The following SORBS3 variants were observed in gnomAD, a reference collection of about 807,000 sequenced individuals.
SORBS3 encodes sorbin and SH3 domain containing 3, also known as vinexin.
Under a neutral mutation model 98.0 loss-of-function variants are expected in SORBS3, and 69 were observed. That is an observed-to-expected ratio of 0.70 (90% CI 0.58 to 0.86). The LOEUF is 0.86. SORBS3 is among the 40% of genes least tolerant of loss of function. The pLI, the probability that SORBS3 is intolerant of heterozygous loss-of-function variation, is 0.00. For synonymous variants in SORBS3, 394 were observed against 355.4 expected (o/e 1.11, Z -1.22); for missense variants, 954 against 908.5 (o/e 1.05, Z -0.64).
intron 20 of SORBS3, among the ~76,000 whole-genome samples, chr8:22,574,236 A>C (rs932205364): frequency 1.3e-5 from 2 of 152,202 alleles, no homozygotes; most frequent in Non-Finnish European, 2.9e-5. Flanking sequence ...TCGGAGTCCC[A>C]AGCTTACTCC....
At chr8:22,567,937 T>C (rs918908803) in intron 16 of SORBS3, among the ~76,000 whole-genome samples, 2 of 150,774 alleles carry the variant, frequency 1.3e-5, no homozygotes, top group African/African-American at 4.9e-5. Context: ...AACCTCCACC[T>C]CCCTGGTTCA....
chr8:22,573,772 G>A (rs1370807042), intron 20 of SORBS3, among the ~76,000 whole-genome samples: 2 of 152,226 alleles, frequency 1.3e-5, no homozygotes, highest in African/African-American at 2.4e-5. Flanking sequence ...CAGGAGTGAC[G>A]TTCATTTCAG....
chr8:22,567,193 G>C lies in SORBS3; in HGVS notation c.1305+18G>C. ...ATGTGGAGGTGAGCAGGAGAGACAAGAGCAAGTGGGGCTGGGCTGGGAGGG... is the reference window on the plus strand; with the variant it reads ...ATGTGGAGGTGAGCAGGAGAGACAACAGCAAGTGGGGCTGGGCTGGGAGGG... On this transcript the variant is annotated intron_variant, in intron 16 of 20. Coordinates refer to ENST00000240123, the MANE Select transcript of SORBS3 (RefSeq NM_005775.5). 2 of 1,516,740 alleles carry C rather than the reference G, an allele frequency of 1.3e-6. No individual in the cohort carries two copies. The highest frequency in any genetic ancestry group is 1.8e-6 in the Non-Finnish European group (2 of 1,093,650). 94.0% of individuals were successfully genotyped at this position (1,516,740 alleles called of 1,614,324 possible). A position where few individuals can be genotyped will look rare whatever the true frequency, so the allele number is the denominator to read the frequency against.
At chr8:22,570,879 G>A (rs778322305) in intron 17 of SORBS3, 31 bp from the exon 18 acceptor site, 1 of 1,561,572 alleles carries the variant, frequency 6.4e-7, no homozygotes, top group East Asian at 2.3e-5. Context: ...CACCAGGAAG[G>A]CCCCACAGAC....
At chr8:22,558,001 T>C in intron 4 of SORBS3, 128 bp from the exon 5 acceptor site, 1 of 829,474 alleles carries the variant, frequency 1.2e-6, no homozygotes, top group African/African-American at 1.7e-5. Context: ...AAGAGAAGCA[T>C]TTCCCAGCCC....
chr8:22,552,222 A>G (rs1840095880), intron 1 of SORBS3, among the ~76,000 whole-genome samples, 200 bp downstream of exon 1: 1 of 152,174 alleles, frequency 6.6e-6, no homozygotes, highest in East Asian at 1.9e-4. Context: ...GCTGAGAAAT[A>G]CCTGGGAAAG....
At chr8:22,553,920 G>A (rs899131037) in intron 1 of SORBS3, among the ~76,000 whole-genome samples, 1 of 152,216 alleles carries the variant, frequency 6.6e-6, no homozygotes, top group African/African-American at 2.4e-5. Context: ...CGCTCCCCTT[G>A]GCCCTATTGG....
In SORBS3 at chr8:22,567,052, C is replaced by T. The variant is rs1282470607; in HGVS notation, c.1191-9C>T. ...CAGCTTACCCTGCGGTCCTCGTCCC[C>T]ACCTGCAGGGAGCTGACTCTGCAGA... On this transcript the variant is annotated splice_polypyrimidine_tract_variant and intron_variant, in intron 15 of 20. Coordinates refer to ENST00000240123, the MANE Select transcript of SORBS3 (RefSeq NM_005775.5). 4 of 1,608,540 alleles carry T rather than the reference C, an allele frequency of 2.5e-6. No homozygotes were observed. Among genetic ancestry groups the T allele is most frequent in the Non-Finnish European group, 3.4e-6 (4 of 1,175,802 alleles).
Position 22,570,902 on chromosome 8 carries a change from C to A in SORBS3, c.1432-8C>A. ...AGGCCCCACAGACACTGACTTTTCC[C>A]CCCTCAGGGAGAGCACATCTGCCTG... On this transcript the variant is annotated splice_region_variant and splice_polypyrimidine_tract_variant and intron_variant, in intron 17 of 20. Coordinates refer to ENST00000240123, the MANE Select transcript of SORBS3 (RefSeq NM_005775.5). 2 of 1,580,134 alleles carry A rather than the reference C, an allele frequency of 1.3e-6. No homozygotes were observed. Among genetic ancestry groups the A allele is most frequent in the South Asian group, 2.3e-5 (2 of 85,758 alleles).
rs376119327 is a variant in SORBS3, at chr8:22,566,630, C to T, written c.1091-31C>T. The T allele has an allele frequency of 3.3e-5, 52 of 1,590,358 alleles. 1 individual carries two copies. The East Asian group carries it at 1.1e-3, about 34-fold the overall frequency. On this transcript the variant is annotated intron_variant, in intron 13 of 20. Coordinates refer to ENST00000240123, the MANE Select transcript of SORBS3 (RefSeq NM_005775.5). The stretch of plus-strand genomic sequence containing the variant: ...TGCAACCCCATCCCCCAGGTATGGC[C>T]TCCCCAAGCTGAGGTTGTGCTTCTC...
upstream of SORBS3, chr8:22,551,856 C>T: frequency 1.0e-6 from 1 of 985,410 alleles, no homozygotes; most frequent in Non-Finnish European, 1.2e-6. The surrounding 1 kb of genome is among the most constrained non-coding windows in gnomAD (Gnocchi z 5.8). Context: ...CTTCCTGCGC[C>T]GGCGCCCGGC....
In SORBS3 at chr8:22,575,011, T is replaced by C. The variant is rs930876799; in HGVS notation, c.*283T>C. The C allele has an allele frequency of 3.6e-5, 21 of 590,694 alleles. No individual in the cohort carries two copies. The highest frequency in any genetic ancestry group is 1.1e-4 in the African/African-American group (6 of 54,476). The allele number at this position is 590,694 out of a possible 1,614,324, so 36.6% of individuals were successfully genotyped here. On this transcript the variant is annotated 3_prime_UTR_variant, in exon 21 of 21. Transcript: ENST00000240123. ...AAGCGGAGACCATTTCCAGGCCTTA[T>C]TGAGACCAGACCCCAAGTCCCCCAC...
At chr8:22,556,691 T>C (rs1340451870) in intron 3 of SORBS3, 24 bp from the exon 4 acceptor site, 2 of 1,610,622 alleles carry the variant, frequency 1.2e-6, no homozygotes, top group Admixed American at 3.3e-5. Context: ...CTTTCACTAA[T>C]GCTCTCCTGC....
intron 4 of SORBS3, among the ~76,000 whole-genome samples, chr8:22,557,380 T>C (rs764972459): frequency 3.3e-5 from 5 of 152,168 alleles, no homozygotes; most frequent in African/African-American, 1.2e-4. Context: ...CCATCCACCT[T>C]TGTGTCTTGA....
rs752168625 is a variant in SORBS3 at position 22,567,192 on chromosome 8, A to G, written c.1305+17A>G. The stretch of plus-strand genomic sequence containing the variant: ...TATGTGGAGGTGAGCAGGAGAGACA[A>G]GAGCAAGTGGGGCTGGGCTGGGAGG... On this transcript the variant is annotated intron_variant, in intron 16 of 20. Coordinates refer to ENST00000240123, the MANE Select transcript of SORBS3 (RefSeq NM_005775.5). The G allele has an allele frequency of 6.8e-7, 1 of 1,465,594 alleles. No homozygotes were observed. The highest frequency in any genetic ancestry group is 1.1e-5 in the South Asian group (1 of 87,812). The allele number at this position is 1,465,594 out of a possible 1,614,324, so 90.8% of individuals were successfully genotyped here. A position where few individuals can be genotyped will look rare whatever the true frequency, so the allele number is the denominator to read the frequency against.
At chr8:22,566,041 C>T (rs1840408336) in intron 12 of SORBS3, 169 bp downstream of exon 12, 2 of 570,142 alleles carry the variant, frequency 3.5e-6, no homozygotes, top group Non-Finnish European at 5.2e-6. Flanking sequence ...TGCGGGGCGC[C>T]GTTCCCGCGC....
intron 1 of SORBS3, among the ~76,000 whole-genome samples, chr8:22,552,337 C>T (rs1005634397): frequency 2.6e-5 from 4 of 152,212 alleles, no homozygotes; most frequent in South Asian, 2.1e-4. Context: ...GGCCTCTCCC[C>T]GCTCCCGGGG....
rs1247913747 is a variant in SORBS3, at chr8:22,561,905, G to A, written c.558G>A (p.Arg186=). The part of the protein sequence containing the change: ...HLGAQQRPAH[R]PGPATSSSGR... ...GAGCCCAGCAAAGACCTGCCCACAG[G>A]CCCGGCCCGGCAACATCTTCCAGTG... Residue 186 remains arginine, a synonymous_variant, in exon 7 of 21, where the codon AGG becomes AGA. Coordinates refer to ENST00000240123, the MANE Select transcript of SORBS3 (RefSeq NM_005775.5). The A allele has an allele frequency of 6.2e-7, 1 of 1,614,054 alleles. No homozygotes were observed. Among genetic ancestry groups the A allele is most frequent in the African/African-American group, 1.3e-5 (1 of 75,054 alleles).
chr8:22,551,962 G>T lies in SORBS3; in HGVS notation c.-116G>T, dbSNP rs941473883. On this transcript the variant is annotated 5_prime_UTR_variant, in exon 1 of 21. Transcript: ENST00000240123. The surrounding 1 kb of genome is among the most constrained non-coding windows in gnomAD (Gnocchi z 5.8). ...GAGCGCCCGCGCCAGGCAGCAGCCGGGCAGGGATGCTCCTGCGCTCCCGGG... is the reference window on the plus strand; with the variant it reads ...GAGCGCCCGCGCCAGGCAGCAGCCGTGCAGGGATGCTCCTGCGCTCCCGGG... The T allele has an allele frequency of 1.0e-5, 10 of 985,384 alleles. No homozygotes were observed. The highest frequency in any genetic ancestry group is 1.2e-5 in the Non-Finnish European group (10 of 830,064). The allele number at this position is 985,384 out of a possible 1,614,324, so 61.0% of individuals were successfully genotyped here.
Sources: allele counts gnomAD v4.1 joint callset (sites outside exome capture counted in the v4.1 genomes callset), GRCh38; gene constraint gnomAD v4.1.1; non-coding constraint Gnocchi (gnomAD v3.1); transcripts MANE v1.5; gene names NCBI Gene and HGNC (gene_info 2026-07-23, HGNC 2026-07-21).